AGBL1: variants seen among roughly 807,000 people sequenced by gnomAD.
The protein encoded by AGBL1 is AGBL carboxypeptidase 1, also known as cytosolic carboxypeptidase 4.
AGBL1 carries 130 observed loss-of-function variants against 118.9 expected under a neutral mutation model. The ratio of observed to expected loss-of-function variants is 1.09; its 90% CI spans 0.95 to 1.26. The LOEUF (loss-of-function observed/expected upper bound fraction) is 1.26, where lower values mean the gene tolerates loss of function less well. AGBL1 is among the 50% of genes most tolerant of loss of function. The pLI is 0.00. For synonymous variants in AGBL1, 555 were observed against 478.9 expected (o/e 1.16, Z -2.08); for missense variants, 1,584 against 1,298.1 (o/e 1.22, Z -3.38).
At chr15:86,193,027 T>TA (rs1478082983) in intron 5 of AGBL1, among the ~76,000 whole-genome samples, 1 of 152,150 alleles carries the variant, frequency 6.6e-6, no homozygotes, top group East Asian at 1.9e-4. Flanking sequence ...TTTTAAATAT[T>TA]AAAAAAAGTA....
intron 17 of AGBL1, among the ~76,000 whole-genome samples, chr15:86,354,043 G>T (rs1049684772): frequency 3.3e-5 from 5 of 152,192 alleles, no homozygotes; most frequent in African/African-American, 4.8e-5. Context: ...TAATGAGGCG[G>T]GTGATTTGCA....
chr15:86,620,927 G>T (rs1182716036), intron 21 of AGBL1, among the ~76,000 whole-genome samples: 1 of 151,688 alleles, frequency 6.6e-6, no homozygotes, highest in African/African-American at 2.4e-5. Flanking sequence ...TCTTCAAAGG[G>T]AGGGGCTGCT....
At chr15:86,137,008 G>T (rs1413738634) in intron 1 of AGBL1, among the ~76,000 whole-genome samples, 2 of 152,102 alleles carry the variant, frequency 1.3e-5, no homozygotes, top group East Asian at 3.8e-4. Flanking sequence ...ATCATTAAAG[G>T]AAAATCAAGG....
intron 24 of AGBL1, among the ~76,000 whole-genome samples, chr15:87,011,273 A>G (rs1472837360): frequency 6.6e-6 from 1 of 152,194 alleles, no homozygotes; most frequent in Non-Finnish European, 1.5e-5. Context: ...GAATGGTTGC[A>G]TGGAGAAGAG....
chr15:86,495,647 C>A (rs1345220417), intron 18 of AGBL1, among the ~76,000 whole-genome samples: 2 of 151,784 alleles, frequency 1.3e-5, no homozygotes, highest in Admixed American at 6.6e-5. Flanking sequence ...TAATTCAATT[C>A]CATTTTGATT....
At chr15:86,853,128 T>C (rs1262673313) in intron 22 of AGBL1, among the ~76,000 whole-genome samples, 1 of 152,202 alleles carries the variant, frequency 6.6e-6, no homozygotes, top group Non-Finnish European at 1.5e-5. Flanking sequence ...ATCAGAATTC[T>C]GACAACTCCC....
intron 24 of AGBL1, among the ~76,000 whole-genome samples, chr15:87,026,106 C>G (rs987607485): frequency 6.6e-6 from 1 of 151,962 alleles, no homozygotes; most frequent in African/African-American, 2.4e-5. Flanking sequence ...GGAAGGATTT[C>G]ATGACCAAGA....
At position 86,333,797 on chromosome 15, in the gene AGBL1, C is replaced by T. The variant is rs532925378; in HGVS notation, c.2374+38389C>T. ...ACAAAAATTCTCAACAAAATGCTAGCAAGCTGAACCCAGAAGCACATCCAA... is the reference window on the plus strand; with the variant it reads ...ACAAAAATTCTCAACAAAATGCTAGTAAGCTGAACCCAGAAGCACATCCAA... On this transcript the variant is annotated intron_variant, in intron 17 of 22. Transcript: ENST00000614907. 2.0e-5 allele frequency among the ~76,000 whole-genome samples: 3 copies of T among 152,260 alleles called. No individual in the cohort carries two copies. The East Asian group carries it at 5.8e-4, about 29-fold the overall frequency.
chr15:86,388,837 C>G (rs2081235581), intron 17 of AGBL1, among the ~76,000 whole-genome samples: 1 of 152,098 alleles, frequency 6.6e-6, no homozygotes, highest in Admixed American at 6.5e-5. Context: ...ACTCTCAATA[C>G]CAAAGGAATA....
In AGBL1 at chr15:86,889,719, C is replaced by A. The variant is rs143892726; in HGVS notation, c.3159-17368C>A. On this transcript the variant is annotated intron_variant, in intron 22 of 22. Transcript: ENST00000614907. Reference sequence around the variant, plus strand: ...GCTCCATCCATGTCCCTGCAAAGGACATGATCTCATTCCTTTTATGGCTGC... The same window carrying A: ...GCTCCATCCATGTCCCTGCAAAGGAAATGATCTCATTCCTTTTATGGCTGC... Among the ~76,000 whole-genome samples the A allele has an allele frequency of 8.7e-3, 1,328 of 152,300 alleles. 13 individuals are homozygous for A. Among genetic ancestry groups the A allele is most frequent in the Middle Eastern group, 0.037 (11 of 294 alleles).
In AGBL1 at chr15:86,736,186, T is replaced by C. The variant is rs191787837; in HGVS notation, c.3158+61750T>C. On this transcript the variant is annotated intron_variant, in intron 22 of 22. Transcript: ENST00000614907. ...TCACGAGGTCAGGACATCAAGACCA[T>C]CCTGTCCAATATGGTGAAACCCATC... 6.4e-4 allele frequency among the ~76,000 whole-genome samples: 97 copies of C among 152,126 alleles called. 1 individual carries two copies. The highest frequency in any genetic ancestry group is 1.3e-3 in the Non-Finnish European group (88 of 67,988).
chr15:86,797,326 C>G (rs943707801), intron 22 of AGBL1, among the ~76,000 whole-genome samples: 8 of 152,196 alleles, frequency 5.3e-5, no homozygotes, highest in Admixed American at 2.6e-4. Flanking sequence ...CTTTACATCC[C>G]AGTGATAAGT....
intron 22 of AGBL1, among the ~76,000 whole-genome samples, chr15:86,697,892 C>T: frequency 6.6e-6 from 1 of 151,892 alleles, no homozygotes; most frequent in East Asian, 1.9e-4. Flanking sequence ...TGTGAACTAT[C>T]TTCAGGTCTC....
At chr15:86,178,782 A>G (rs1317888984) in intron 5 of AGBL1, among the ~76,000 whole-genome samples, 4 of 152,210 alleles carry the variant, frequency 2.6e-5, no homozygotes, top group African/African-American at 9.6e-5. Context: ...CTTTACAAAG[A>G]AGGAAAACTT....
At chr15:86,136,403 C>T (rs2076889512) in intron 1 of AGBL1, among the ~76,000 whole-genome samples, 1 of 152,208 alleles carries the variant, frequency 6.6e-6, no homozygotes, top group Non-Finnish European at 1.5e-5. Context: ...CAGTGCCTCA[C>T]TTGGTGGGGC....
At chr15:86,717,661 G>T (rs2086657936) in intron 22 of AGBL1, among the ~76,000 whole-genome samples, 2 of 151,802 alleles carry the variant, frequency 1.3e-5, no homozygotes, top group African/African-American at 4.8e-5. Context: ...CTGGAAGCAT[G>T]TTTGTATTGC....
rs138854947 is a variant in AGBL1, at chr15:86,601,229, A to G, written c.2994+46692A>G. On this transcript the variant is annotated intron_variant, in intron 21 of 22. Transcript: ENST00000614907. ...AAAGAAAGTTACATAGATTTAATTA[A>G]TAATGAGAAGATTCTTCTGTAGACT... Among the ~76,000 whole-genome samples, 16 of 152,310 alleles carry G rather than the reference A, an allele frequency of 1.1e-4. No individual in the cohort carries two copies. In the East Asian group the frequency reaches 2.7e-3, roughly 26 times the overall value.
At chr15:86,398,418 C>T (rs1236265941) in intron 18 of AGBL1, among the ~76,000 whole-genome samples, 1 of 151,876 alleles carries the variant, frequency 6.6e-6, no homozygotes, top group Non-Finnish European at 1.5e-5. Context: ...CATTCTATCC[C>T]ATGAGAAAAA....
chr15:86,917,945 C>G (rs528828406), downstream of AGBL1, among the ~76,000 whole-genome samples: 9 of 152,102 alleles, frequency 5.9e-5, no homozygotes, highest in African/African-American at 1.9e-4. This position sits in a 1 kb window ranked among gnomAD's most constrained non-coding sequence, Gnocchi z 4.8. Flanking sequence ...CCTAGTCCCT[C>G]AAATCTCTAG....
Sources: gnomAD v4.1 joint callset for allele counts (sites outside exome capture counted in the v4.1 genomes callset) on GRCh38, gnomAD v4.1.1 for gene constraint, Gnocchi (gnomAD v3.1) non-coding constraint, MANE v1.5 for transcripts, NCBI Gene and HGNC (gene_info 2026-07-23, HGNC 2026-07-21) for gene names.